CSMD1: variants seen among roughly 807,000 people sequenced by gnomAD.
CSMD1 encodes CUB and sushi domain-containing protein 1.
In CSMD1, 213 loss-of-function variants were observed where a neutral mutation model predicts 417.5. The observed-to-expected ratio is 0.51, with a 90% confidence interval of 0.46 to 0.57. The LOEUF (loss-of-function observed/expected upper bound fraction) is 0.57. Ranked by LOEUF, CSMD1 falls within the 20% of genes least tolerant of loss-of-function variation. The pLI, the probability that CSMD1 is intolerant of heterozygous loss-of-function variation, is 0.00. For synonymous variants in CSMD1, 2,862 were observed against 1,736.8 expected (o/e 1.65, Z -16.11); for missense variants, 6,923 against 4,529.7 (o/e 1.53, Z -15.17).
intron 3 of CSMD1, among the ~76,000 whole-genome samples, chr8:4,412,774 T>C (rs1214679721): frequency 1.3e-5 from 2 of 152,224 alleles, no homozygotes; most frequent in African/African-American, 2.4e-5. Flanking sequence ...TTGATACCTA[T>C]ACTGATATGA....
intron 5 of CSMD1, among the ~76,000 whole-genome samples, chr8:3,856,481 A>G (rs1804319220): frequency 6.6e-6 from 1 of 152,180 alleles, no homozygotes; most frequent in Non-Finnish European, 1.5e-5. Context: ...TGAGTTCTTA[A>G]TTGGTGAGGA....
chr8:4,468,670 C>T (rs1202651231), intron 2 of CSMD1, among the ~76,000 whole-genome samples: 1 of 152,120 alleles, frequency 6.6e-6, no homozygotes, highest in Non-Finnish European at 1.5e-5. Flanking sequence ...GATCTCCTCC[C>T]CTGGACTGTA....
At chr8:4,629,985 A>G (rs763334352) in intron 2 of CSMD1, among the ~76,000 whole-genome samples, 3 of 152,084 alleles carry the variant, frequency 2.0e-5, no homozygotes, top group Non-Finnish European at 4.4e-5. Context: ...ACACACCTGT[A>G]TTTACAAATG....
chr8:4,302,958 CTG>C (rs1309182911), intron 3 of CSMD1, among the ~76,000 whole-genome samples: 1 of 151,938 alleles, frequency 6.6e-6, no homozygotes, highest in East Asian at 1.9e-4. Context: ...ATGCATGAAA[CTG>C]TGACCAGAAG....
At chr8:3,319,980 C>T (rs1002121985) in intron 23 of CSMD1, among the ~76,000 whole-genome samples, 44 of 152,088 alleles carry the variant, frequency 2.9e-4, no homozygotes, top group Non-Finnish European at 1.5e-5. Context: ...AAGTCTCTAC[C>T]AGTGGCTTAG....
chr8:4,447,621 C>G lies in CSMD1; in HGVS notation c.303-27556G>C, dbSNP rs150996874. Among the ~76,000 whole-genome samples the G allele has an allele frequency of 1.8e-4, 28 of 152,328 alleles. No homozygotes were observed. The East Asian group carries it at 5.2e-3, about 28-fold the overall frequency. ...ATGTAATACTTCCCACTTGACTAAG[C>G]TTGTTCAAAGTCGACAGGTTTACGG... is the stretch of plus-strand genomic sequence containing the variant. On this transcript the variant is annotated intron_variant, in intron 2 of 69. Coordinates refer to ENST00000635120, the MANE Select transcript of CSMD1 (RefSeq NM_033225.6).
At chr8:4,887,834 G>C (rs1024310081) in intron 1 of CSMD1, among the ~76,000 whole-genome samples, 43 of 151,788 alleles carry the variant, frequency 2.8e-4, no homozygotes, top group Admixed American at 2.4e-3. Context: ...TTTGAGCAGT[G>C]TTCGTACAGC....
At chr8:3,050,639 C>T (rs1811760112) in intron 50 of CSMD1, among the ~76,000 whole-genome samples, 1 of 152,218 alleles carries the variant, frequency 6.6e-6, no homozygotes, top group East Asian at 1.9e-4. Flanking sequence ...TAAAATAGTA[C>T]CGTCTTAAAT....
chr8:4,012,865 T>C (rs1009322726), intron 4 of CSMD1, among the ~76,000 whole-genome samples: 1 of 152,112 alleles, frequency 6.6e-6, no homozygotes, highest in Non-Finnish European at 1.5e-5. Context: ...CCATGACTCT[T>C]CTATGTCTCT....
intron 10 of CSMD1, among the ~76,000 whole-genome samples, chr8:3,522,744 G>C (rs1010072472): frequency 1.3e-5 from 2 of 151,786 alleles, no homozygotes; most frequent in Non-Finnish European, 2.9e-5. Context: ...TGGCATTCGG[G>C]AACTACAAAG....
intron 1 of CSMD1, among the ~76,000 whole-genome samples, chr8:4,943,744 A>C (rs1808181392): frequency 6.6e-6 from 1 of 152,204 alleles, no homozygotes. Flanking sequence ...TGATGTGATA[A>C]GCAAAGGACT....
intron 1 of CSMD1, among the ~76,000 whole-genome samples, chr8:4,647,587 C>A (rs181145464): frequency 2.0e-5 from 3 of 151,404 alleles, no homozygotes; most frequent in African/African-American, 7.3e-5. Context: ...CCCAATATGT[C>A]CTGGTGTGTG....
intron 7 of CSMD1, among the ~76,000 whole-genome samples, chr8:3,687,724 CGCT>C (rs1320598583): frequency 5.9e-5 from 9 of 152,124 alleles, no homozygotes; most frequent in Non-Finnish European, 1.0e-4. Context: ...TTTGGAAGCA[CGCT>C]GCTATCTTGA....
intron 5 of CSMD1, among the ~76,000 whole-genome samples, chr8:3,877,805 T>A (rs371521425): frequency 1.3e-5 from 2 of 152,326 alleles, no homozygotes; most frequent in East Asian, 3.9e-4. Context: ...TGGAACATTA[T>A]CATGGAGATT....
intron 5 of CSMD1, among the ~76,000 whole-genome samples, chr8:3,792,572 T>C (rs1161464957): frequency 6.6e-6 from 1 of 152,186 alleles, no homozygotes; most frequent in African/African-American, 2.4e-5. Context: ...TGACTCCTCC[T>C]TTGTTAGCTC....
intron 21 of CSMD1, among the ~76,000 whole-genome samples, chr8:3,354,956 AAG>A (rs1352028323): frequency 1.3e-4 from 9 of 71,672 alleles, no homozygotes; most frequent in African/African-American, 5.7e-4. Flanking sequence ...GAGACAGAGA[AAG>A]AGAGTTTAGT....
rs528333504 is a variant in CSMD1, at chr8:4,009,753, A to G, written c.611-11643T>C. ...TACCTCCACAGGCGCTCACTCCTCC[A>G]GGAGCCAGAATGAAAGGAACCCAGA... On this transcript the variant is annotated intron_variant, in intron 4 of 69. Coordinates refer to ENST00000635120, the MANE Select transcript of CSMD1 (RefSeq NM_033225.6). 1.5e-3 allele frequency among the ~76,000 whole-genome samples: 231 copies of G among 152,146 alleles called. 2 individuals carry two copies. Among genetic ancestry groups the G allele is most frequent in the African/African-American group, 5.5e-3 (227 of 41,426 alleles).
intron 41 of CSMD1, among the ~76,000 whole-genome samples, chr8:3,137,347 C>T (rs922117712): frequency 4.6e-5 from 7 of 152,162 alleles, no homozygotes; most frequent in Non-Finnish European, 8.8e-5. Context: ...CAGGTGCTTC[C>T]GAAAATGTAT....
chr8:3,170,197 T>C (rs796859252), intron 37 of CSMD1, among the ~76,000 whole-genome samples: 5 of 152,346 alleles, frequency 3.3e-5, no homozygotes, highest in African/African-American at 1.2e-4. Context: ...CCGAGTTTTA[T>C]TTCTTTTTAT....
Sources: gnomAD v4.1 joint callset for allele counts (sites outside exome capture counted in the v4.1 genomes callset) on GRCh38, gnomAD v4.1.1 for gene constraint, MANE v1.5 for transcripts, NCBI Gene and HGNC (gene_info 2026-07-23, HGNC 2026-07-21) for gene names.